Variants in CHRNE observed in about 807,000 individuals in gnomAD.
CHRNE encodes cholinergic receptor nicotinic epsilon subunit.
Under a neutral mutation model 56.5 loss-of-function variants are expected in CHRNE, and 58 were observed. The observed-to-expected ratio is 1.03, with a 90% CI of 0.83 to 1.28. The LOEUF (loss-of-function observed/expected upper bound fraction) is 1.28. Ranked by LOEUF, CHRNE falls within the 50% of genes most tolerant of loss-of-function variation. The pLI is 0.00. For synonymous variants in CHRNE, 385 were observed against 297.9 expected (o/e 1.29, Z -3.01); for missense variants, 793 against 688.9 (o/e 1.15, Z -1.69).
upstream of CHRNE, among the ~76,000 whole-genome samples, chr17:4,906,650 C>G (rs1176875078): frequency 6.6e-6 from 1 of 151,870 alleles, no homozygotes; most frequent in Non-Finnish European, 1.5e-5. Context: ...CCTGGGAGTT[C>G]AAGACCAGCC....
In CHRNE at chr17:4,899,446, G is replaced by A. The variant is rs764790153; in HGVS notation, c.1032+22C>T. 4.5e-6 allele frequency: 7 copies of A among 1,564,300 alleles called. No individual in the cohort carries two copies. The African/African-American group carries it at 9.4e-5, about 21-fold the overall frequency. ...ACGAAGCCCCACCCCGACCCGGGCT[G>A]CACCGCCCCCTCCGCGCTTACGTGG... On this transcript the variant is annotated intron_variant, in intron 9 of 11. Transcript: ENST00000649488.
At chr17:4,900,523 G>C in intron 8 of CHRNE, 1 of 1,550,788 alleles carries the variant, frequency 6.4e-7, no homozygotes, top group South Asian at 1.2e-5. Flanking sequence ...TCAGGACACG[G>C]GGTGAGTTAG....
intron 9 of CHRNE, 33 bp downstream of exon 9, chr17:4,899,435 C>G (rs367944415): frequency 6.2e-5 from 97 of 1,554,540 alleles, no homozygotes; most frequent in Non-Finnish European, 7.7e-5. Context: ...AGCCCCACCC[C>G]GACCCGGGCT....
intron 8 of CHRNE, chr17:4,900,515 A>G: frequency 6.4e-7 from 1 of 1,550,864 alleles, no homozygotes; most frequent in Admixed American, 2.0e-5. Context: ...CGGTGAGCTC[A>G]GGACACGGGG....
upstream of CHRNE, among the ~76,000 whole-genome samples, chr17:4,906,913 A>G (rs1970098725): frequency 6.6e-6 from 1 of 152,210 alleles, no homozygotes; most frequent in African/African-American, 2.4e-5. Context: ...GGAACTGGAG[A>G]TCATTATGTT....
chr17:4,901,884 G>GTC, intron 5 of CHRNE, 48 bp downstream of exon 5: 1 of 1,526,282 alleles, frequency 6.6e-7, no homozygotes, highest in Non-Finnish European at 9.0e-7. Flanking sequence ...GCCCCATAAG[G>GTC]CCCCCCCCCA....
rs1333019950 is a variant in CHRNE, at chr17:4,902,478, G to T, written c.206C>A (p.Thr69Asn). 1.9e-6 allele frequency: 3 copies of T among 1,614,076 alleles called. No homozygotes were observed. Among genetic ancestry groups the T allele is most frequent in the African/African-American group, 2.7e-5 (2 of 74,922 alleles). ...TCCAATCCAGACGCTAGTGGTGAGAGTCTCCTCTTTTTCATTCTGCAGATG... is the reference window on the plus strand; with the variant it reads ...TCCAATCCAGACGCTAGTGGTGAGATTCTCCTCTTTTTCATTCTGCAGATG... ...NLISLNEKEE[T>N]LTTSVWIGID... is the part of the protein sequence containing the mutation. The change falls in exon 3 of 12, where the codon ACT becomes AAT. Residue 69 changes from threonine to asparagine, a missense_variant. Coordinates refer to ENST00000649488, the MANE Select transcript of CHRNE (RefSeq NM_000080.4). This position sits in a 1 kb window ranked among gnomAD's most constrained non-coding sequence, Gnocchi z 4.0.
upstream of CHRNE, among the ~76,000 whole-genome samples, chr17:4,907,888 A>G (rs919201659): frequency 5.9e-5 from 9 of 151,932 alleles, no homozygotes; most frequent in Non-Finnish European, 1.3e-4. Context: ...CTAAAAATAG[A>G]AAACTTAGTC....
At chr17:4,907,391 G>GT (rs1970103374), upstream of CHRNE, among the ~76,000 whole-genome samples, 1 of 151,478 alleles carries the variant, frequency 6.6e-6, no homozygotes. Context: ...GTGAAACCCC[G>GT]TGTCTACTAA....
chr17:4,900,165 A>T, intron 8 of CHRNE: 1 of 1,547,342 alleles, frequency 6.5e-7, no homozygotes. Flanking sequence ...TGGGGGGCTT[A>T]GGATACGCGG....
At chr17:4,899,796 A>G in intron 8 of CHRNE, 1 of 1,551,142 alleles carries the variant, frequency 6.4e-7, no homozygotes, top group Non-Finnish European at 8.7e-7. Flanking sequence ...GGACACCCTG[A>G]TGTGGATCTA....
At position 4,902,028 on chromosome 17, in the gene CHRNE, G is replaced by C. The variant is rs763181728; in HGVS notation, c.404C>G (p.Ser135Cys). The change falls in exon 5 of 12, where the codon TCC (serine) becomes TGC (cysteine). Residue 135 changes from serine to cysteine, a missense_variant. Coordinates refer to ENST00000649488, the MANE Select transcript of CHRNE (RefSeq NM_000080.4). This position sits in a 1 kb window ranked among gnomAD's most constrained non-coding sequence, Gnocchi z 4.0. The part of the protein sequence containing the change: ...DANVLVYEGG[S>C]VTWLPPAIYR... ...GATGGCCGGAGGCAGCCACGTCACG[G>C]AGCCGCCCTCGTAGACGAGCACGTT... is the stretch of plus-strand genomic sequence containing the variant. The C allele has an allele frequency of 5.6e-6, 9 of 1,614,086 alleles. No individual in the cohort carries two copies. Among genetic ancestry groups the C allele is most frequent in the Non-Finnish European group, 7.6e-6 (9 of 1,180,038 alleles).
rs1567638676 is a variant in CHRNE at position 4,901,080 on chromosome 17, G to A, written c.712C>T (p.Arg238Trp). 3 of 1,613,880 alleles carry A rather than the reference G, an allele frequency of 1.9e-6. No individual in the cohort carries two copies. The highest frequency in any genetic ancestry group is 2.5e-6 in the Non-Finnish European group (3 of 1,179,970). Reference sequence around the variant, plus strand: ...TTAATGACGTAGAAGAGCGGCTTCCGGCGGATGATGAGCGAGTAGATGACG... The same window carrying A: ...TTAATGACGTAGAAGAGCGGCTTCCAGCGGATGATGAGCGAGTAGATGACG... ...TDVIYSLIIR[R>W]KPLFYVINII... The change falls in exon 7 of 12, where the codon CGG becomes TGG. Residue 238 changes from arginine (R) to tryptophan (W), a missense_variant. Transcript: ENST00000649488.
upstream of CHRNE, among the ~76,000 whole-genome samples, chr17:4,903,510 C>T (rs144610838): frequency 6.6e-6 from 1 of 152,200 alleles, no homozygotes. Context: ...CACACACTAT[C>T]ACCACCCAAG....
chr17:4,900,026 T>G (rs1333031231), intron 8 of CHRNE: 2 of 1,551,444 alleles, frequency 1.3e-6, no homozygotes, highest in Admixed American at 3.9e-5. Context: ...AGAGCTGAAG[T>G]CCCTGGAGCC....
At chr17:4,900,255 C>T (rs748606985) in intron 8 of CHRNE, 4 of 1,546,816 alleles carry the variant, frequency 2.6e-6, no homozygotes, top group South Asian at 1.2e-5. Context: ...CCTGTGGCTG[C>T]AGCAGGAGGC....
Position 4,898,596 on chromosome 17 carries a change from G to T in CHRNE, c.*140C>A. On this transcript the variant is annotated 3_prime_UTR_variant, in exon 12 of 12. Coordinates refer to ENST00000649488, the MANE Select transcript of CHRNE (RefSeq NM_000080.4). ...CAGGCCTACACACGCCAGGGAACGG[G>T]CACACACCATTCTTGTGAAGTTCAC... 8.4e-7 allele frequency: 1 copy of T among 1,194,934 alleles called. No homozygotes were observed. Among genetic ancestry groups the T allele is most frequent in the Non-Finnish European group, 1.2e-6 (1 of 843,720 alleles). The allele number at this position is 1,194,934 out of a possible 1,614,324, so 74.0% of individuals were successfully genotyped here.
chr17:4,901,910 G>C, intron 5 of CHRNE, 22 bp downstream of exon 5: 4 of 1,611,370 alleles, frequency 2.5e-6, no homozygotes, highest in South Asian at 1.1e-5. Context: ...AATCGTCCGG[G>C]CCTCGGAGTA....
chr17:4,904,985 GTGC>G (rs1447947190), upstream of CHRNE, among the ~76,000 whole-genome samples: 1 of 152,166 alleles, frequency 6.6e-6, no homozygotes, highest in Non-Finnish European at 1.5e-5. Context: ...TCTCAAATCT[GTGC>G]TGCTGCTTAT....
Sources: gnomAD v4.1 joint callset for allele counts (sites outside exome capture counted in the v4.1 genomes callset) on GRCh38, gnomAD v4.1.1 for gene constraint, Gnocchi (gnomAD v3.1) non-coding constraint, MANE v1.5 for transcripts, NCBI Gene and HGNC (gene_info 2026-07-23, HGNC 2026-07-21) for gene names.